The following ZNF420 variants were observed in gnomAD, a reference collection of about 807,000 sequenced individuals.
ZNF420 encodes the protein ATM and p53-associated KZNF protein.
ZNF420 carries 31 observed loss-of-function variants against 44.7 expected under a neutral mutation model. The ratio of observed to expected loss-of-function variants is 0.69; its 90% CI spans 0.52 to 0.94. The LOEUF (loss-of-function observed/expected upper bound fraction) is 0.94. Among genes scored for constraint, ZNF420 ranks in the 40% least tolerant of loss-of-function variants. The pLI is 0.00. For missense variants in ZNF420, 681 were observed against 827.9 expected (o/e 0.82, Z 2.18); for synonymous variants, 245 against 267.4 (o/e 0.92, Z 0.82).
At chr19:37,102,751 G>A (rs1244992872) in intron 4 of ZNF420, among the ~76,000 whole-genome samples, 1 of 152,172 alleles carries the variant, frequency 6.6e-6, no homozygotes, top group East Asian at 1.9e-4. Flanking sequence ...GGGGATATGA[G>A]TGGGTTACCT....
intron 4 of ZNF420, among the ~76,000 whole-genome samples, chr19:37,121,223 T>G (rs1326024503): frequency 6.8e-6 from 1 of 147,416 alleles, no homozygotes; most frequent in Admixed American, 6.8e-5. Context: ...GACCTCAAAC[T>G]ATACTACAAG....
At chr19:37,050,574 G>C (rs1967620609) in intron 1 of ZNF420, among the ~76,000 whole-genome samples, 1 of 152,114 alleles carries the variant, frequency 6.6e-6, no homozygotes, top group Non-Finnish European at 1.5e-5. Context: ...TTTATCCTGA[G>C]ACTTTGCTGT....
At chr19:37,082,488 A>G (rs535123501) in intron 2 of ZNF420, among the ~76,000 whole-genome samples, 3 of 152,170 alleles carry the variant, frequency 2.0e-5, no homozygotes, top group Admixed American at 1.3e-4. Flanking sequence ...TTTTAATTGG[A>G]GTATTTAGTC....
intron 1 of ZNF420, among the ~76,000 whole-genome samples, chr19:37,040,855 A>G (rs1381698306): frequency 2.6e-5 from 4 of 152,184 alleles, no homozygotes; most frequent in African/African-American, 9.6e-5. Context: ...TGTTTATTAA[A>G]GAGAAGGAAG....
At chr19:37,103,812 A>G (rs1969910719) in intron 4 of ZNF420, among the ~76,000 whole-genome samples, 1 of 152,204 alleles carries the variant, frequency 6.6e-6, no homozygotes, top group Non-Finnish European at 1.5e-5. Context: ...ATCAGCATAC[A>G]AACATGCCTT....
In ZNF420 at chr19:37,123,599, C is replaced by CTTTTTTTTTTTTTTT. The variant is rs762782458; in HGVS notation, c.137-3520_137-3506dup. Among the ~76,000 whole-genome samples the CTTTTTTTTTTTTTTT allele has an allele frequency of 2.2e-4, 18 of 80,326 alleles. 1 individual carries two copies. The highest frequency in any genetic ancestry group is 9.8e-4 in the African/African-American group (17 of 17,268). The allele number at this position is 80,326 out of a possible 152,430, so 52.7% of individuals were successfully genotyped here. On this transcript the variant is annotated intron_variant, in intron 4 of 4. Coordinates refer to ENST00000337995, the MANE Select transcript of ZNF420 (RefSeq NM_144689.5). ...CTTCTTTATTTTCTTTTACTCTTGT[C>CTTTTTTTTTTTTTTT]TTTTTTTTTTTTTTTTTTTTTTTGA... is the stretch of plus-strand genomic sequence containing the variant.
chr19:37,017,662 A>G (rs1405919192), intron 1 of ZNF420, among the ~76,000 whole-genome samples: 3 of 152,218 alleles, frequency 2.0e-5, no homozygotes, highest in Admixed American at 1.3e-4. Context: ...AATTGAAGGA[A>G]ACTACGTCAA....
At chr19:37,075,525 G>C (rs890712914), upstream of ZNF420, among the ~76,000 whole-genome samples, 1 of 152,078 alleles carries the variant, frequency 6.6e-6, no homozygotes, top group Non-Finnish European at 1.5e-5. Flanking sequence ...GGCAAATCAC[G>C]AGGTCAGGAG....
At chr19:37,071,693 C>T (rs991350073) in intron 1 of ZNF420, among the ~76,000 whole-genome samples, 1 of 151,992 alleles carries the variant, frequency 6.6e-6, no homozygotes, top group Non-Finnish European at 1.5e-5. Flanking sequence ...CCCAGCTACT[C>T]GGGAGGCTGA....
intron 1 of ZNF420, among the ~76,000 whole-genome samples, chr19:37,026,800 A>T (rs1464104163): frequency 1.3e-5 from 2 of 152,238 alleles, no homozygotes; most frequent in African/African-American, 2.4e-5. Flanking sequence ...ATTTGGAGGA[A>T]ATATTTATAA....
chr19:37,032,729 C>G (rs1304248656), intron 1 of ZNF420, among the ~76,000 whole-genome samples: 2 of 152,052 alleles, frequency 1.3e-5, no homozygotes, highest in Non-Finnish European at 2.9e-5. Context: ...TGCTTGAACC[C>G]AGGAGGCAGA....
At chr19:37,030,028 C>T (rs1404934452) in intron 1 of ZNF420, among the ~76,000 whole-genome samples, 3 of 152,106 alleles carry the variant, frequency 2.0e-5, no homozygotes, top group Admixed American at 1.3e-4. Flanking sequence ...TACCTATACT[C>T]CTCATGTTGT....
At chr19:37,116,777 G>C (rs1334051304) in intron 4 of ZNF420, among the ~76,000 whole-genome samples, 1 of 152,162 alleles carries the variant, frequency 6.6e-6, no homozygotes, top group Non-Finnish European at 1.5e-5. Context: ...TTTCCAACGG[G>C]CTTAAAAAAC....
At chr19:37,086,538 T>C (rs997152663) in intron 2 of ZNF420, among the ~76,000 whole-genome samples, 1 of 152,198 alleles carries the variant, frequency 6.6e-6, no homozygotes, top group Non-Finnish European at 1.5e-5. Context: ...TATATTGTTA[T>C]CGATTTTATT....
intron 4 of ZNF420, chr19:37,111,801 A>G: frequency 6.6e-6 from 1 of 152,180 alleles, no homozygotes; most frequent in East Asian, 1.9e-4. Flanking sequence ...CTGCTCCACC[A>G]GAGGAATGGT....
At chr19:37,032,394 A>G (rs1967276701) in intron 1 of ZNF420, among the ~76,000 whole-genome samples, 1 of 151,640 alleles carries the variant, frequency 6.6e-6, no homozygotes, top group Admixed American at 6.6e-5. Context: ...AATCCCAGGT[A>G]CTTCGGAGGC....
In ZNF420 at chr19:37,127,754, G is replaced by C. The variant is rs375119460; in HGVS notation, c.763G>C (p.Glu255Gln). 3 of 1,613,986 alleles carry C rather than the reference G, an allele frequency of 1.9e-6. No homozygotes were observed. The highest frequency in any genetic ancestry group is 2.5e-6 in the Non-Finnish European group (3 of 1,179,956). Residue 255 changes from glutamate to glutamine, a missense_variant, in exon 5 of 5, where the codon GAA (glutamate) becomes CAA (glutamine). Glu to Gln is a conservative substitution (Grantham distance 29, BLOSUM62 2). Coordinates refer to ENST00000337995, the MANE Select transcript of ZNF420 (RefSeq NM_144689.5). The part of the protein sequence containing the change: ...HTGEKPYECK[E>Q]CGKAFTQNSQ... ...TGGTGAGAAACCTTATGAATGTAAAGAATGTGGGAAGGCCTTTACTCAGAA... is the reference window on the plus strand; with the variant it reads ...TGGTGAGAAACCTTATGAATGTAAACAATGTGGGAAGGCCTTTACTCAGAA...
chr19:37,089,083 G>A lies in ZNF420; in HGVS notation c.-36G>A, dbSNP rs749281642. ...TGTGCTTTCCTAAGATAGGAACCCA[G>A]AAGAGGACTGATCATTTCTTGCAGC... On this transcript the variant is annotated 5_prime_UTR_variant, in exon 3 of 5. Coordinates refer to ENST00000337995, the MANE Select transcript of ZNF420 (RefSeq NM_144689.5). The A allele has an allele frequency of 2.5e-6, 4 of 1,609,740 alleles. No individual in the cohort carries two copies. The highest frequency in any genetic ancestry group is 1.3e-5 in the African/African-American group (1 of 74,958).
At chr19:37,121,876 A>G (rs1370295548) in intron 4 of ZNF420, among the ~76,000 whole-genome samples, 3 of 152,270 alleles carry the variant, frequency 2.0e-5, no homozygotes, top group East Asian at 1.9e-4. Context: ...AATGCTCATC[A>G]TCACTGGCCA....
Sources: gnomAD v4.1 joint callset for allele counts (sites outside exome capture counted in the v4.1 genomes callset) on GRCh38, gnomAD v4.1.1 for gene constraint, MANE v1.5 for transcripts, NCBI Gene and HGNC (gene_info 2026-07-23, HGNC 2026-07-21) for gene names.